The following AMMECR1 variants were observed in gnomAD, a reference collection of about 807,000 sequenced individuals.
AMMECR1 encodes the protein AMMECR nuclear protein 1.
A neutral mutation model predicts 22.5 loss-of-function variants in AMMECR1; 3 were observed. The ratio of observed to expected loss-of-function variants is 0.13; its 90% CI spans 0.06 to 0.35. The LOEUF is 0.35. Ranked by LOEUF, AMMECR1 falls within the 10% of genes least tolerant of loss-of-function variation. AMMECR1 has a pLI of 1.00. For missense variants in AMMECR1, 235 were observed against 278.7 expected (o/e 0.84, Z 1.12); for synonymous variants, 130 against 116.7 (o/e 1.11, Z -0.74).
chrX:110,265,227 C>T (rs1466908509), intron 1 of AMMECR1, among the ~76,000 whole-genome samples: 1 of 111,415 alleles, frequency 9.0e-6, no homozygotes, highest in Admixed American at 9.6e-5. Context: ...ATACTATAAA[C>T]CATGTCCAAA....
At chrX:110,200,788 C>T (rs756947872) in intron 5 of AMMECR1, among the ~76,000 whole-genome samples, 166 bp downstream of exon 5, 71 of 112,113 alleles carry the variant, frequency 6.3e-4, no homozygotes, top group Non-Finnish European at 1.1e-3. Flanking sequence ...GGCTTTACTA[C>T]GAAGCAGAGT....
intron 2 of AMMECR1, among the ~76,000 whole-genome samples, chrX:110,248,995 T>A (rs2067673171): frequency 8.9e-6 from 1 of 112,132 alleles, no homozygotes; most frequent in Non-Finnish European, 1.9e-5. Flanking sequence ...TATGTATCCC[T>A]GAGAAGGTGG....
upstream of AMMECR1, among the ~76,000 whole-genome samples, chrX:110,321,187 G>A (rs1317869659): frequency 1.8e-5 from 2 of 111,676 alleles, no homozygotes; most frequent in Non-Finnish European, 3.8e-5. Context: ...AACTGACCTT[G>A]CTCAGGATTC....
At chrX:110,268,460 A>G (rs2067781153) in intron 1 of AMMECR1, among the ~76,000 whole-genome samples, 1 of 112,461 alleles carries the variant, frequency 8.9e-6, no homozygotes, top group Admixed American at 9.4e-5. Flanking sequence ...GGAATTAAAA[A>G]CAACTAAAAT....
intron 2 of AMMECR1, among the ~76,000 whole-genome samples, chrX:110,413,805 C>T (rs1331633515): frequency 1.8e-5 from 2 of 111,323 alleles, no homozygotes; most frequent in African/African-American, 6.5e-5. Flanking sequence ...TACTACCTTC[C>T]CTCTCCATCC....
At chrX:110,351,554 T>C (rs902563369) in intron 2 of AMMECR1, among the ~76,000 whole-genome samples, 4 of 111,586 alleles carry the variant, frequency 3.6e-5, no homozygotes, top group African/African-American at 1.3e-4. Flanking sequence ...AAGAATGAGG[T>C]TGTACCCCTT....
chrX:110,310,950 T>C (rs955616471), intron 1 of AMMECR1, among the ~76,000 whole-genome samples: 15 of 111,790 alleles, frequency 1.3e-4, no homozygotes, highest in African/African-American at 4.2e-4. Flanking sequence ...CTCTTCCTAA[T>C]ACAAGAAACT....
At chrX:110,264,686 G>A (rs1414570660) in intron 1 of AMMECR1, 87 bp from the exon 2 acceptor site, 2 of 760,101 alleles carry the variant, frequency 2.6e-6, no homozygotes, top group East Asian at 3.4e-5. Flanking sequence ...TAGGTTAGGT[G>A]CCTGAGATAT....
intron 2 of AMMECR1, among the ~76,000 whole-genome samples, chrX:110,350,198 A>G (rs933206484): frequency 1.8e-5 from 2 of 112,296 alleles, no homozygotes; most frequent in Admixed American, 9.4e-5. Context: ...AATATGAAAC[A>G]GAAGAATTGT....
intron 1 of AMMECR1, among the ~76,000 whole-genome samples, chrX:110,310,097 G>C (rs1226449252): frequency 8.9e-6 from 1 of 112,518 alleles, no homozygotes; most frequent in Non-Finnish European, 1.9e-5. Flanking sequence ...GTCACAAAGT[G>C]GGGGAGTGAT....
At chrX:110,391,452 C>A (rs1490858085) in intron 2 of AMMECR1, among the ~76,000 whole-genome samples, 2 of 111,667 alleles carry the variant, frequency 1.8e-5, no homozygotes, top group Non-Finnish European at 3.8e-5. Flanking sequence ...TTTCTCTTCC[C>A]CTTTCTATGA....
At chrX:110,386,906 A>G (rs2068459403) in intron 2 of AMMECR1, among the ~76,000 whole-genome samples, 1 of 112,431 alleles carries the variant, frequency 8.9e-6, no homozygotes, top group Non-Finnish European at 1.9e-5. Flanking sequence ...AACTTAAATA[A>G]TTATAACATG....
chrX:110,198,687 C>G, intron 5 of AMMECR1, 53 bp from the exon 6 acceptor site: 2 of 848,572 alleles, frequency 2.4e-6, no homozygotes, highest in Non-Finnish European at 3.5e-6. Flanking sequence ...AGGTGACATG[C>G]CATTGTCACT....
At chrX:110,240,452 A>T (rs1249237565) in intron 2 of AMMECR1, among the ~76,000 whole-genome samples, 1 of 107,635 alleles carries the variant, frequency 9.3e-6, no homozygotes, top group African/African-American at 3.4e-5. Context: ...CAGACTTTAA[A>T]CCAACAAAGA....
intron 1 of AMMECR1, among the ~76,000 whole-genome samples, chrX:110,304,470 T>C (rs1386894931): frequency 1.8e-5 from 2 of 112,254 alleles, no homozygotes; most frequent in Admixed American, 1.9e-4. Context: ...GACACTGAAG[T>C]TCAGAAGAAA....
At chrX:110,305,180 T>C (rs930827644) in intron 1 of AMMECR1, among the ~76,000 whole-genome samples, 3 of 112,363 alleles carry the variant, frequency 2.7e-5, no homozygotes, top group Admixed American at 9.4e-5. Context: ...GGGTCTAGCA[T>C]AGTGTTCTAC....
chrX:110,433,894 C>T (rs1174993617), intron 1 of AMMECR1, among the ~76,000 whole-genome samples: 1 of 111,916 alleles, frequency 8.9e-6, no homozygotes, highest in Non-Finnish European at 1.9e-5. Context: ...CTTGTGGGTA[C>T]TGAGAATATA....
At chrX:110,393,357 G>A (rs903996653) in intron 2 of AMMECR1, among the ~76,000 whole-genome samples, 2 of 112,004 alleles carry the variant, frequency 1.8e-5, no homozygotes, top group African/African-American at 6.5e-5. Context: ...TGATTATTGA[G>A]CAATTACTAT....
intron 3 of AMMECR1, among the ~76,000 whole-genome samples, chrX:110,207,492 T>C (rs1200139947): frequency 9.0e-6 from 1 of 111,227 alleles, no homozygotes; most frequent in Non-Finnish European, 1.9e-5. Context: ...TAGAAGCTGA[T>C]AAGGATTTGT....
Sources: gnomAD v4.1 joint callset for allele counts (sites outside exome capture counted in the v4.1 genomes callset) on GRCh38, gnomAD v4.1.1 for gene constraint, MANE v1.5 for transcripts, NCBI Gene and HGNC (gene_info 2026-07-23, HGNC 2026-07-21) for gene names.